TBC1D15: variants seen among roughly 807,000 people sequenced by gnomAD.
TBC1D15 encodes the protein TBC1 domain family member 15.
Under a neutral mutation model 95.4 loss-of-function variants are expected in TBC1D15, and 39 were observed. The ratio of observed to expected loss-of-function variants is 0.41; its 90% CI spans 0.32 to 0.53. The LOEUF is 0.53. Ranked by LOEUF, TBC1D15 falls within the 20% of genes least tolerant of loss-of-function variation. The pLI, the probability that TBC1D15 is intolerant of heterozygous loss-of-function variation, is 0.29. For synonymous variants in TBC1D15, 258 were observed against 261.3 expected (o/e 0.99, Z 0.12); for missense variants, 733 against 794.3 (o/e 0.92, Z 0.93).
At chr12:71,845,801 T>A (rs1311753069) in intron 1 of TBC1D15, among the ~76,000 whole-genome samples, 1 of 152,190 alleles carries the variant, frequency 6.6e-6, no homozygotes, top group Non-Finnish European at 1.5e-5. Flanking sequence ...TGGAGAATGA[T>A]TTAGGGCAAT....
At chr12:71,900,752 C>A (rs1257354274) in intron 10 of TBC1D15, among the ~76,000 whole-genome samples, 1 of 151,914 alleles carries the variant, frequency 6.6e-6, no homozygotes, top group Non-Finnish European at 1.5e-5. Flanking sequence ...GTGATACATG[C>A]CAAATAGAAA....
At chr12:71,896,584 A>T in intron 8 of TBC1D15, 93 bp from the exon 9 acceptor site, 1 of 1,023,562 alleles carries the variant, frequency 9.8e-7, no homozygotes, top group Non-Finnish European at 1.5e-6. Context: ...ACTACCTCTT[A>T]AAGATTAGTT....
At chr12:71,851,162 C>T (rs964450885) in intron 1 of TBC1D15, among the ~76,000 whole-genome samples, 1 of 151,948 alleles carries the variant, frequency 6.6e-6, no homozygotes, top group African/African-American at 2.4e-5. Flanking sequence ...AAGAACAAGC[C>T]AACACGTCAC....
chr12:71,884,149 T>A (rs1276355258), intron 4 of TBC1D15, among the ~76,000 whole-genome samples: 1 of 152,188 alleles, frequency 6.6e-6, no homozygotes, highest in East Asian at 1.9e-4. Flanking sequence ...AAATAAAATG[T>A]CTGTATATTC....
intron 1 of TBC1D15, among the ~76,000 whole-genome samples, chr12:71,865,048 C>CT (rs1019620249): frequency 3.9e-5 from 6 of 152,300 alleles, no homozygotes; most frequent in African/African-American, 1.4e-4. Flanking sequence ...CTGAGGGTGT[C>CT]TAAGTCCTTT....
chr12:71,910,519 A>G (rs1248327844), intron 11 of TBC1D15, among the ~76,000 whole-genome samples: 4 of 151,714 alleles, frequency 2.6e-5, no homozygotes, highest in Non-Finnish European at 4.4e-5. Context: ...CCATTTGTTT[A>G]TATCCTCTTT....
chr12:71,877,192 ATGTGTG>A (rs901468386), intron 3 of TBC1D15, among the ~76,000 whole-genome samples: 32 of 141,786 alleles, frequency 2.3e-4, no homozygotes, highest in South Asian at 8.9e-4. Context: ...ATCCCATGTT[ATGTGTG>A]TGTGTGTGTG....
rs1898492894 is a variant in TBC1D15, at chr12:71,897,714, A to G, written c.1089-133A>G. The G allele has an allele frequency of 1.2e-5, 7 of 592,400 alleles. 1 individual carries two copies. The highest frequency in any genetic ancestry group is 9.2e-5 in the South Asian group (4 of 43,430). 36.7% of individuals were successfully genotyped at this position (592,400 alleles called of 1,614,324 possible). On this transcript the variant is annotated intron_variant, in intron 9 of 16. Coordinates refer to ENST00000485960, the MANE Select transcript of TBC1D15 (RefSeq NM_001146213.3). ...TTATCATAACTTTAAACGTTTTGCT[A>G]TTGTTTTTATAAACTTACATTCCAC...
intron 1 of TBC1D15, chr12:71,850,253 TA>T: frequency 1.9e-6 from 1 of 531,976 alleles, no homozygotes; most frequent in South Asian, 1.6e-5. Context: ...TCAAAAGAAG[TA>T]ACATTTCTCT....
At chr12:71,917,315 T>G (rs1302449655) in intron 12 of TBC1D15, among the ~76,000 whole-genome samples, 1 of 152,240 alleles carries the variant, frequency 6.6e-6, no homozygotes, top group Non-Finnish European at 1.5e-5. Flanking sequence ...AAATTAATTT[T>G]ATTATGTATA....
intron 1 of TBC1D15, among the ~76,000 whole-genome samples, chr12:71,868,457 A>T (rs1355353957): frequency 6.6e-6 from 1 of 152,052 alleles, no homozygotes; most frequent in Non-Finnish European, 1.5e-5. Flanking sequence ...CGTGTTAGCC[A>T]GGACGGTCTC....
chr12:71,894,544 C>T (rs960472306), intron 6 of TBC1D15, 142 bp from the exon 7 acceptor site: 71 of 1,089,914 alleles, frequency 6.5e-5, no homozygotes, highest in Admixed American at 1.1e-4. Context: ...AAAGAAAATA[C>T]AAATTTAAGA....
At chr12:71,862,228 TC>T (rs1236276722) in intron 1 of TBC1D15, among the ~76,000 whole-genome samples, 1 of 152,158 alleles carries the variant, frequency 6.6e-6, no homozygotes, top group Non-Finnish European at 1.5e-5. Flanking sequence ...ATTTTTTTTT[TC>T]TTGTTGATTT....
intron 6 of TBC1D15, chr12:71,894,319 A>G (rs1030817431): frequency 3.7e-6 from 6 of 1,611,936 alleles, no homozygotes; most frequent in Non-Finnish European, 3.4e-6. Context: ...TTTTTTTTGT[A>G]TGAAGGCAGG....
Position 71,880,592 on chromosome 12 carries a change from C to A in TBC1D15, c.328C>A (p.Pro110Thr). 6.2e-7 allele frequency: 1 copy of A among 1,609,112 alleles called. No homozygotes were observed. Among genetic ancestry groups the A allele is most frequent in the Non-Finnish European group, 8.5e-7 (1 of 1,177,978 alleles). Residue 110 changes from proline to threonine, a missense_variant, in exon 4 of 17, where the codon CCA becomes ACA. Coordinates refer to ENST00000485960, the MANE Select transcript of TBC1D15 (RefSeq NM_001146213.3). ...TAATACAGTTTCATTTAAAAGGAAACCACATACCAATGGAGGTATGAATTA... is the reference window on the plus strand; with the variant it reads ...TAATACAGTTTCATTTAAAAGGAAAACACATACCAATGGAGGTATGAATTA... ...MVNTVSFKRK[P>T]HTNGDAPSHR...
intron 3 of TBC1D15, 63 bp from the exon 4 acceptor site, chr12:71,880,406 G>A: frequency 1.4e-6 from 2 of 1,400,806 alleles, no homozygotes; most frequent in South Asian, 2.7e-5. Context: ...AAGCTAAGAT[G>A]ATATGGATTG....
intron 1 of TBC1D15, among the ~76,000 whole-genome samples, chr12:71,867,953 A>C (rs1001154924): frequency 6.6e-6 from 1 of 152,232 alleles, no homozygotes; most frequent in Admixed American, 6.5e-5. Context: ...GTACCAATGC[A>C]ACTATTTTTT....
At chr12:71,864,794 C>T (rs370301648) in intron 1 of TBC1D15, among the ~76,000 whole-genome samples, 11 of 152,180 alleles carry the variant, frequency 7.2e-5, no homozygotes, top group East Asian at 3.8e-4. Context: ...CGTGAGCCAC[C>T]GTGCCCGGCC....
chr12:71,915,572 C>T (rs1903511598), intron 12 of TBC1D15, among the ~76,000 whole-genome samples: 1 of 151,682 alleles, frequency 6.6e-6, no homozygotes, highest in South Asian at 2.1e-4. Flanking sequence ...GCCACATACA[C>T]ACATGCATAC....
Sources: gnomAD v4.1 joint callset for allele counts (sites outside exome capture counted in the v4.1 genomes callset) on GRCh38, gnomAD v4.1.1 for gene constraint, MANE v1.5 for transcripts, NCBI Gene and HGNC (gene_info 2026-07-23, HGNC 2026-07-21) for gene names.